BEND6: variants seen among roughly 807,000 people sequenced by gnomAD.
BEND6 encodes BEN domain-containing protein 6.
A neutral mutation model predicts 31.8 loss-of-function variants in BEND6; 24 were observed. The ratio of observed to expected loss-of-function variants is 0.75; its 90% confidence interval spans 0.55 to 1.06. BEND6 has a LOEUF of 1.06. BEND6 is among the 50% of genes least tolerant of loss of function. The pLI, the probability that BEND6 is intolerant of heterozygous loss-of-function variation, is 0.00. For missense variants in BEND6, 294 were observed against 327.4 expected, an observed-to-expected ratio of 0.90 and a Z score of 0.79; for synonymous variants, 109 against 114.6, an observed-to-expected ratio of 0.95 and a Z score of 0.31.
At chr6:56,993,780 C>T (rs538101595) in intron 3 of BEND6, among the ~76,000 whole-genome samples, 1 of 152,262 alleles carries the variant, frequency 6.6e-6, no homozygotes, top group African/African-American at 2.4e-5. Context: ...TTACTGCAAC[C>T]TCAAACTCCT....
At position 57,015,202 on chromosome 6, in the gene BEND6, G is replaced by T. The variant is rs1215745943; in HGVS notation, c.368G>T (p.Gly123Val). 6.2e-7 allele frequency: 1 copy of T among 1,614,118 alleles called. No individual in the cohort carries two copies. The highest frequency in any genetic ancestry group is 1.7e-5 in the Admixed American group (1 of 60,022). ...GMAEALLKGGGTMSTSASTLW... is the reference protein window; with the variant it reads ...GMAEALLKGGVTMSTSASTLW... The stretch of plus-strand genomic sequence containing the variant: ...GCCGAGGCTCTGCTTAAGGGTGGGG[G>T]AACCATGTCTACATCTGCATCCACC... Residue 123 changes from glycine (G) to valine (V), a missense_variant, in exon 4 of 7, where the codon GGA becomes GTA. Transcript: ENST00000370746.
intron 2 of BEND6, among the ~76,000 whole-genome samples, chr6:56,986,004 C>G (rs1472874062): frequency 6.6e-6 from 1 of 152,154 alleles, no homozygotes; most frequent in Non-Finnish European, 1.5e-5. Context: ...CTTGCTAAAA[C>G]TTGCTAACAA....
chr6:56,964,094 G>C (rs931152311), intron 1 of BEND6, among the ~76,000 whole-genome samples: 5 of 149,518 alleles, frequency 3.3e-5, no homozygotes, highest in Non-Finnish European at 5.9e-5. Flanking sequence ...ACTCATAATG[G>C]GGTATTTTAT....
chr6:57,011,736 GA>G (rs1238082293), intron 3 of BEND6, among the ~76,000 whole-genome samples: 3 of 105,356 alleles, frequency 2.8e-5, no homozygotes, highest in African/African-American at 7.2e-5. Flanking sequence ...AAAAAAAAAA[GA>G]AAAAAAAAGA....
chr6:56,960,277 TTC>T (rs1825242902), intron 1 of BEND6, among the ~76,000 whole-genome samples: 1 of 149,958 alleles, frequency 6.7e-6, no homozygotes, highest in Non-Finnish European at 1.5e-5. Flanking sequence ...TTCATTATTA[TTC>T]CGATGGTATA....
At position 57,002,643 on chromosome 6, in the gene BEND6, T is replaced by G. The variant is rs115724199; in HGVS notation, c.298+10088T>G. On this transcript the variant is annotated intron_variant, in intron 3 of 6. Coordinates refer to ENST00000370746, the MANE Select transcript of BEND6 (RefSeq NM_152731.3). ...TAAACAATGAGATTAAGGCAGAAGT[T>G]TTAAAACTTCTTTGAAATTAATGAA... Among the ~76,000 whole-genome samples, 1,500 of 152,212 alleles carry G rather than the reference T, an allele frequency of 9.9e-3. 27 individuals carry two copies. Among genetic ancestry groups the G allele is most frequent in the African/African-American group, 0.034 (1,410 of 41,546 alleles).
At chr6:57,011,891 C>A (rs1314124459) in intron 3 of BEND6, among the ~76,000 whole-genome samples, 1 of 151,822 alleles carries the variant, frequency 6.6e-6, no homozygotes, top group Non-Finnish European at 1.5e-5. Flanking sequence ...TTTGGGAGGC[C>A]GAGGTGGGCA....
At chr6:56,998,578 A>AT (rs957891488) in intron 3 of BEND6, among the ~76,000 whole-genome samples, 3 of 152,188 alleles carry the variant, frequency 2.0e-5, no homozygotes, top group Non-Finnish European at 4.4e-5. Flanking sequence ...AAGTAATGAG[A>AT]TTTTAGTAAA....
chr6:56,984,628 A>G (rs1826191329), intron 2 of BEND6, among the ~76,000 whole-genome samples: 1 of 152,182 alleles, frequency 6.6e-6, no homozygotes, highest in Admixed American at 6.5e-5. Flanking sequence ...CTAAACCACA[A>G]TTTCTTTTTT....
intron 1 of BEND6, among the ~76,000 whole-genome samples, chr6:56,972,804 C>T (rs1016343780): frequency 1.3e-5 from 2 of 152,144 alleles, no homozygotes; most frequent in Admixed American, 1.3e-4. Context: ...TCTCACAATT[C>T]TGTAAGTTAG....
At chr6:57,011,575 G>A (rs1312222880) in intron 3 of BEND6, among the ~76,000 whole-genome samples, 8 of 151,118 alleles carry the variant, frequency 5.3e-5, no homozygotes, top group Middle Eastern at 3.4e-3. Context: ...AATATTAGCC[G>A]GGCACAGTGG....
intron 1 of BEND6, among the ~76,000 whole-genome samples, chr6:56,963,471 A>G (rs1403701187): frequency 6.6e-6 from 1 of 152,172 alleles, no homozygotes; most frequent in African/African-American, 2.4e-5. Flanking sequence ...GCTTGGGTAA[A>G]TTTGACCCAG....
intron 5 of BEND6, 25 bp from the exon 6 acceptor site, chr6:57,018,396 A>G (rs766501624): frequency 6.4e-7 from 1 of 1,574,280 alleles, no homozygotes; most frequent in East Asian, 2.3e-5. Flanking sequence ...GAAGTTTCTC[A>G]TGTGTCGCTA....
rs1827504179 is a variant in BEND6, at chr6:57,015,268, C to T, written c.434C>T (p.Ala145Val). ...AACAACTCCTCGCCAGATTCATTTG[C>T]CTCAACATGCAGTAATTCTAATTCT... ...ATNNSSPDSFASTCSNSNSNS... is the reference protein window; with the variant it reads ...ATNNSSPDSFVSTCSNSNSNS... The change falls in exon 4 of 7, where the codon GCC (alanine) becomes GTC (valine). Residue 145 changes from alanine (A) to valine (V), a missense_variant. Physicochemically the swap from Ala to Val is moderately conservative, Grantham distance 64. Coordinates refer to ENST00000370746, the MANE Select transcript of BEND6 (RefSeq NM_152731.3). The T allele has an allele frequency of 6.2e-7, 1 of 1,614,022 alleles. No individual in the cohort carries two copies. Among genetic ancestry groups the T allele is most frequent in the African/African-American group, 1.3e-5 (1 of 74,892 alleles).
At chr6:56,987,983 A>C (rs1826343772) in intron 2 of BEND6, among the ~76,000 whole-genome samples, 1 of 151,860 alleles carries the variant, frequency 6.6e-6, no homozygotes, top group Admixed American at 6.6e-5. Context: ...TTTTAAACTA[A>C]AAGGTAAATG....
intron 1 of BEND6, among the ~76,000 whole-genome samples, chr6:56,960,760 G>A (rs1158022086): frequency 6.6e-6 from 1 of 152,170 alleles, no homozygotes; most frequent in East Asian, 1.9e-4. Context: ...AGTAAAAGAT[G>A]TATTAATAAT....
intron 1 of BEND6, among the ~76,000 whole-genome samples, chr6:56,981,100 C>T (rs1340845283): frequency 1.3e-5 from 2 of 152,100 alleles, no homozygotes; most frequent in African/African-American, 2.4e-5. Context: ...AGGTGTGAGC[C>T]GTCATGCCCA....
chr6:56,998,641 A>G (rs1033172353), intron 3 of BEND6, among the ~76,000 whole-genome samples: 3 of 152,124 alleles, frequency 2.0e-5, no homozygotes, highest in African/African-American at 7.2e-5. Flanking sequence ...AAAATGGATT[A>G]AGACCAGAAA....
intron 2 of BEND6, among the ~76,000 whole-genome samples, chr6:56,982,182 A>G (rs113153357): frequency 6.6e-6 from 1 of 152,134 alleles, no homozygotes; most frequent in Admixed American, 6.5e-5. Flanking sequence ...CAGCCTCTCA[A>G]AGTGCTGGGA....
Sources: gnomAD v4.1 joint callset for allele counts (sites outside exome capture counted in the v4.1 genomes callset) on GRCh38, gnomAD v4.1.1 for gene constraint, MANE v1.5 for transcripts, NCBI Gene and HGNC (gene_info 2026-07-23, HGNC 2026-07-21) for gene names.